The following MRAP2 variants were observed in gnomAD, a reference collection of about 807,000 sequenced individuals.
MRAP2 encodes the protein melanocortin 2 receptor accessory protein 2.
A neutral mutation model predicts 17.4 loss-of-function variants in MRAP2; 20 were observed. That is an observed-to-expected ratio of 1.15 (90% CI 0.81 to 1.67). The LOEUF (loss-of-function observed/expected upper bound fraction) is 1.67, where lower values mean the gene tolerates loss of function less well. Ranked by LOEUF, MRAP2 falls within the 40% of genes most tolerant of loss-of-function variation. The pLI is 0.00. For synonymous variants in MRAP2, 96 were observed against 88.4 expected, an observed-to-expected ratio of 1.09 and a Z score of -0.48; for missense variants, 238 against 240.0, an observed-to-expected ratio of 0.99 and a Z score of 0.05.
At chr6:84,135,638 G>C in the MRAP2 span, among the ~76,000 whole-genome samples, 1 of 152,142 alleles carries the variant, frequency 6.6e-6, no homozygotes, top group Admixed American at 6.5e-5. Flanking sequence ...TGAGACGGGT[G>C]AATCACTTGA....
At chr6:84,048,437 A>T (rs987682535) in intron 1 of MRAP2, among the ~76,000 whole-genome samples, 4 of 152,238 alleles carry the variant, frequency 2.6e-5, no homozygotes, top group African/African-American at 9.6e-5. Flanking sequence ...TAAAATAGTC[A>T]TGGGAACCCA....
Position 84,089,672 on chromosome 6 carries a change from G to C in MRAP2, c.*191G>C. On this transcript the variant is annotated 3_prime_UTR_variant, in exon 4 of 4. Transcript: ENST00000257776. ...GCTGAGTGGTTTTTTGTTTTGTTTT[G>C]TTTTTGCTTTTTAATACATTTGGAG... The C allele has an allele frequency of 1.5e-6, 1 of 647,188 alleles. No homozygotes were observed. Among genetic ancestry groups the C allele is most frequent in the Non-Finnish European group, 2.5e-6 (1 of 405,262 alleles). The allele number at this position is 647,188 out of a possible 1,614,324, so 40.1% of individuals were successfully genotyped here.
the MRAP2 span, among the ~76,000 whole-genome samples, chr6:84,137,224 C>T: frequency 6.6e-6 from 1 of 152,204 alleles, no homozygotes; most frequent in Non-Finnish European, 1.5e-5. Flanking sequence ...TGCTGCCTTG[C>T]TAGCCTGCTG....
At chr6:84,081,588 G>A (rs2099499013) in intron 3 of MRAP2, among the ~76,000 whole-genome samples, 1 of 152,240 alleles carries the variant, frequency 6.6e-6, no homozygotes, top group Non-Finnish European at 1.5e-5. Context: ...GGAGGCCGAA[G>A]CAGATGGATA....
At chr6:84,144,615 C>G in the MRAP2 span, among the ~76,000 whole-genome samples, 1 of 151,990 alleles carries the variant, frequency 6.6e-6, no homozygotes, top group East Asian at 1.9e-4. Context: ...ACTTCAAGAT[C>G]ATACCATTTG....
At chr6:84,128,365 C>T in the MRAP2 span, among the ~76,000 whole-genome samples, 2 of 148,406 alleles carry the variant, frequency 1.3e-5, no homozygotes, top group Non-Finnish European at 2.9e-5. Flanking sequence ...ACTTAATAAG[C>T]AAACATGTAT....
chr6:84,052,951 G>A, intron 1 of MRAP2: 1 of 218,734 alleles, frequency 4.6e-6, no homozygotes. Flanking sequence ...AGTGTAAGGG[G>A]GAGTAAAAGA....
At chr6:84,064,700 G>A (rs1180938452) in intron 3 of MRAP2, among the ~76,000 whole-genome samples, 1 of 152,168 alleles carries the variant, frequency 6.6e-6, no homozygotes, top group Admixed American at 6.5e-5. Flanking sequence ...TGTTAGCCAG[G>A]ATGGTCTCGA....
intron 1 of MRAP2, among the ~76,000 whole-genome samples, chr6:84,045,631 TG>T (rs772916388): frequency 1.3e-5 from 2 of 150,884 alleles, no homozygotes; most frequent in Non-Finnish European, 3.0e-5. Context: ...GGCGTGGTAG[TG>T]CACGTCTGTA....
At chr6:84,080,928 T>C (rs962448306) in intron 3 of MRAP2, among the ~76,000 whole-genome samples, 3 of 152,198 alleles carry the variant, frequency 2.0e-5, no homozygotes, top group African/African-American at 7.2e-5. Flanking sequence ...TGGGTCTTAA[T>C]TTTCCCAGAG....
At chr6:84,067,227 A>G (rs976792473) in intron 3 of MRAP2, among the ~76,000 whole-genome samples, 5 of 152,084 alleles carry the variant, frequency 3.3e-5, no homozygotes, top group African/African-American at 1.2e-4. Context: ...ATTCCTTTTT[A>G]TGGCTGAGTA....
chr6:84,036,705 T>C (rs1440344008), intron 1 of MRAP2, among the ~76,000 whole-genome samples: 1 of 152,214 alleles, frequency 6.6e-6, no homozygotes, highest in African/African-American at 2.4e-5. Context: ...AGTAGCCTGC[T>C]TTTATTCCTT....
chr6:84,033,301 G>C (rs951345542), upstream of MRAP2, among the ~76,000 whole-genome samples: 8 of 152,172 alleles, frequency 5.3e-5, no homozygotes, highest in Non-Finnish European at 7.3e-5. Context: ...AGCCCTTTGG[G>C]ACCCCGTTTG....
At chr6:84,038,222 A>G (rs1161953539) in intron 1 of MRAP2, among the ~76,000 whole-genome samples, 1 of 152,230 alleles carries the variant, frequency 6.6e-6, no homozygotes, top group Admixed American at 6.5e-5. Flanking sequence ...GAAGGTGAGT[A>G]TTACTAACAC....
intron 1 of MRAP2, among the ~76,000 whole-genome samples, chr6:84,040,241 CT>C (rs1229984979): frequency 6.6e-6 from 1 of 152,228 alleles, no homozygotes; most frequent in Non-Finnish European, 1.5e-5. Context: ...TTTGCTTCCC[CT>C]TCTGCCATGA....
At chr6:84,063,624 T>A (rs1247386395) in intron 3 of MRAP2, among the ~76,000 whole-genome samples, 1 of 152,224 alleles carries the variant, frequency 6.6e-6, no homozygotes, top group Non-Finnish European at 1.5e-5. Flanking sequence ...AAGTATTTGT[T>A]CAGTAATGGC....
intron 3 of MRAP2, among the ~76,000 whole-genome samples, chr6:84,064,587 A>C (rs2099494097): frequency 1.3e-5 from 2 of 152,014 alleles, no homozygotes. Flanking sequence ...TCCCGGGTTC[A>C]CGCCATTCTC....
the MRAP2 span, among the ~76,000 whole-genome samples, chr6:84,099,186 T>G: frequency 6.6e-6 from 1 of 151,100 alleles, no homozygotes; most frequent in Non-Finnish European, 1.5e-5. Context: ...CTTTTCTTTT[T>G]TTTTTTTTTT....
intron 2 of MRAP2, among the ~76,000 whole-genome samples, chr6:84,059,251 T>A (rs1438028363): frequency 6.6e-6 from 1 of 152,158 alleles, no homozygotes; most frequent in Non-Finnish European, 1.5e-5. Flanking sequence ...ACCAGACCCA[T>A]GCATGGATGG....
Sources: allele counts gnomAD v4.1 joint callset (sites outside exome capture counted in the v4.1 genomes callset), GRCh38; gene constraint gnomAD v4.1.1; transcripts MANE v1.5; gene names NCBI Gene and HGNC (gene_info 2026-07-23, HGNC 2026-07-21).